The following GRIK3 variants were observed in gnomAD, a reference collection of about 807,000 sequenced individuals.
GRIK3 encodes glutamate receptor ionotropic, kainate 3.
GRIK3 carries 29 observed loss-of-function variants against 102.5 expected under a neutral mutation model. The ratio of observed to expected loss-of-function variants is 0.28; its 90% confidence interval spans 0.21 to 0.39. The LOEUF (loss-of-function observed/expected upper bound fraction) is 0.39. Among genes scored for constraint, GRIK3 ranks in the 10% least tolerant of loss-of-function variants. The pLI, the probability that GRIK3 is intolerant of heterozygous loss-of-function variation, is 1.00. For synonymous variants in GRIK3, 511 were observed against 504.9 expected (o/e 1.01, Z -0.16); for missense variants, 908 against 1,252.4 (o/e 0.73, Z 4.15).
In GRIK3 at chr1:37,033,925, G is replaced by T. The variant is rs971236165; in HGVS notation, c.115+69C>A. 5.9e-6 allele frequency: 5 copies of T among 844,586 alleles called. No individual in the cohort carries two copies. In the Admixed American group the frequency reaches 7.1e-5, roughly 12 times the overall value. The allele number at this position is 844,586 out of a possible 1,614,324, so 52.3% of individuals were successfully genotyped here. The stretch of plus-strand genomic sequence containing the variant: ...GGTTAGGAAAATCTCTCCGGAACGC[G>T]TTGGGAGGCCCCCTCATTCCCGCCC... On this transcript the variant is annotated intron_variant, in intron 1 of 15. Transcript: ENST00000373091.
At chr1:36,830,141 C>T (rs764093038) in intron 10 of GRIK3, among the ~76,000 whole-genome samples, 4 of 152,228 alleles carry the variant, frequency 2.6e-5, no homozygotes, top group Non-Finnish European at 4.4e-5. Flanking sequence ...CAGTGTATTG[C>T]GTATGCTGCC....
intron 1 of GRIK3, among the ~76,000 whole-genome samples, chr1:36,960,179 G>A (rs822858): frequency 0.04 from 5,744 of 142,910 alleles, 369 homozygotes; most frequent in African/African-American, 0.14. Context: ...TGTGCCCTGT[G>A]AGTCTGTGCC....
At chr1:36,907,948 T>C (rs1203931144) in intron 1 of GRIK3, among the ~76,000 whole-genome samples, 1 of 152,090 alleles carries the variant, frequency 6.6e-6, no homozygotes, top group African/African-American at 2.4e-5. Flanking sequence ...GTCACTCACC[T>C]GGGCCCCTGG....
Position 36,884,999 on chromosome 1 carries a change from AC to A in GRIK3, c.293-4109del, listed in dbSNP as rs546469059. ...TGTAAGAGTGTTCTTCAAAGAAGTG[AC>A]TTTTATTTTGACACAGACTGTGAGG... is the stretch of plus-strand genomic sequence containing the variant. On this transcript the variant is annotated intron_variant, in intron 2 of 15. Transcript: ENST00000373091. 5.9e-5 allele frequency among the ~76,000 whole-genome samples: 9 copies of A among 152,330 alleles called. No individual in the cohort carries two copies. In the South Asian group the frequency reaches 1.9e-3, roughly 32 times the overall value.
At chr1:36,949,449 A>G (rs1372020027) in intron 1 of GRIK3, among the ~76,000 whole-genome samples, 1 of 152,198 alleles carries the variant, frequency 6.6e-6, no homozygotes, top group Non-Finnish European at 1.5e-5. Context: ...GCCTGGAAAG[A>G]AAGCAAAAGA....
chr1:36,891,177 T>G lies in GRIK3; in HGVS notation c.116-81A>C, dbSNP rs1459732670. On this transcript the variant is annotated intron_variant, in intron 1 of 15. Transcript: ENST00000373091. ...AGGATGCTTGGCTCAAAAGATTTTA[T>G]AGACAAGTTGCCTGCTCCCTGAAAT... 2.8e-6 allele frequency: 3 copies of G among 1,068,728 alleles called. No individual in the cohort carries two copies. The Admixed American group carries it at 6.1e-5, about 22-fold the overall frequency. 66.2% of individuals were successfully genotyped at this position (1,068,728 alleles called of 1,614,324 possible).
At chr1:36,870,196 C>T (rs1408246879) in intron 4 of GRIK3, among the ~76,000 whole-genome samples, 3 of 152,184 alleles carry the variant, frequency 2.0e-5, no homozygotes, top group Non-Finnish European at 4.4e-5. Context: ...CAGCTGAGCT[C>T]CCTGTCCTGG....
intron 1 of GRIK3, among the ~76,000 whole-genome samples, chr1:36,910,401 C>T (rs1380125517): frequency 1.3e-5 from 2 of 152,250 alleles, no homozygotes; most frequent in East Asian, 3.8e-4. Context: ...CTGTTCTGAT[C>T]AGGGTTCTCT....
intron 1 of GRIK3, among the ~76,000 whole-genome samples, chr1:36,922,275 A>G (rs1249195176): frequency 1.3e-5 from 2 of 152,180 alleles, no homozygotes; most frequent in Non-Finnish European, 2.9e-5. Context: ...AGGAAGGAGG[A>G]GAACAATGAG....
chr1:36,965,217 C>T (rs183085924), intron 1 of GRIK3, among the ~76,000 whole-genome samples: 28 of 152,276 alleles, frequency 1.8e-4, no homozygotes, highest in African/African-American at 6.5e-4. Flanking sequence ...AAAGTCCTCG[C>T]GGGCTGAACT....
chr1:36,814,469 A>G (rs552215254), intron 13 of GRIK3, among the ~76,000 whole-genome samples: 1 of 148,506 alleles, frequency 6.7e-6, no homozygotes, highest in African/African-American at 2.5e-5. Flanking sequence ...ACCCAGAGAC[A>G]CATTCATATG....
chr1:36,907,041 T>C (rs1201869185), intron 1 of GRIK3, among the ~76,000 whole-genome samples: 1 of 152,224 alleles, frequency 6.6e-6, no homozygotes, highest in Non-Finnish European at 1.5e-5. Flanking sequence ...ACATCTATTA[T>C]GTATCAATAA....
intron 1 of GRIK3, among the ~76,000 whole-genome samples, chr1:36,937,271 G>C (rs1641669751): frequency 6.6e-6 from 1 of 152,186 alleles, no homozygotes; most frequent in Non-Finnish European, 1.5e-5. Flanking sequence ...ACGCCCTCGA[G>C]TGAACAACAA....
chr1:36,968,989 C>T (rs1381978437), intron 1 of GRIK3, among the ~76,000 whole-genome samples: 1 of 152,196 alleles, frequency 6.6e-6, no homozygotes, highest in African/African-American at 2.4e-5. Flanking sequence ...AGTGCCAAAT[C>T]CCTACTCTCT....
At chr1:36,839,135 T>C (rs1640417646) in intron 10 of GRIK3, among the ~76,000 whole-genome samples, 1 of 152,126 alleles carries the variant, frequency 6.6e-6, no homozygotes, top group Non-Finnish European at 1.5e-5. Context: ...CCAGCCCTGC[T>C]CACCTCCGCA....
At chr1:36,982,646 C>G (rs184646292) in intron 1 of GRIK3, among the ~76,000 whole-genome samples, 1 of 152,194 alleles carries the variant, frequency 6.6e-6, no homozygotes, top group Non-Finnish European at 1.5e-5. Flanking sequence ...CTCAGCCAGG[C>G]CAAGCCTTCT....
chr1:36,838,379 GAA>G (rs1367827749), intron 10 of GRIK3, among the ~76,000 whole-genome samples: 3 of 152,196 alleles, frequency 2.0e-5, no homozygotes, highest in Non-Finnish European at 4.4e-5. Context: ...GAAGATTTTT[GAA>G]AGAGGAAACA....
rs752494517 is a variant in GRIK3, at chr1:36,817,147, T to G, written c.2004A>C (p.Ser668=). Residue 668 remains serine (S), a synonymous_variant, in exon 13 of 16, where the codon TCA becomes TCC. Coordinates refer to ENST00000373091, the MANE Select transcript of GRIK3 (RefSeq NM_000831.4). ...AAFLTVERME[S]PIDSADDLAK... is the part of the protein sequence containing the mutation. ...CCAGGTCATCAGCAGAGTCAATGGGTGATTCCATGCGCTCCACGGTCAGAA... is the reference window on the plus strand; with the variant it reads ...CCAGGTCATCAGCAGAGTCAATGGGGGATTCCATGCGCTCCACGGTCAGAA... 6.2e-6 allele frequency: 10 copies of G among 1,614,068 alleles called. No homozygotes were observed. Among genetic ancestry groups the G allele is most frequent in the Non-Finnish European group, 8.5e-6 (10 of 1,179,986 alleles).
chr1:36,878,397 G>A (rs1038320310), intron 3 of GRIK3, among the ~76,000 whole-genome samples: 3 of 152,250 alleles, frequency 2.0e-5, no homozygotes, highest in African/African-American at 2.4e-5. Flanking sequence ...GATGCTTGTA[G>A]AAGCCTGAGT....
Sources: allele counts gnomAD v4.1 joint callset (sites outside exome capture counted in the v4.1 genomes callset), GRCh38; gene constraint gnomAD v4.1.1; transcripts MANE v1.5; gene names NCBI Gene and HGNC (gene_info 2026-07-23, HGNC 2026-07-21).